The following SNX30 variants were observed in gnomAD, a reference collection of about 807,000 sequenced individuals.
SNX30 encodes the protein sorting nexin-30.
SNX30 carries 24 observed loss-of-function variants against 46.4 expected under a neutral mutation model. The observed-to-expected ratio is 0.52, with a 90% CI of 0.37 to 0.73. The LOEUF (loss-of-function observed/expected upper bound fraction) is 0.73. Ranked by LOEUF, SNX30 falls within the 30% of genes least tolerant of loss-of-function variation. SNX30 has a pLI of 0.00. For synonymous variants in SNX30, 189 were observed against 211.5 expected, an observed-to-expected ratio of 0.89 and a Z score of 0.92; for missense variants, 533 against 555.7, an observed-to-expected ratio of 0.96 and a Z score of 0.41.
At chr9:112,865,655 A>ATGTGTGTGTGTGTGTGTGTGTGTGTG (rs1841318734) in intron 8 of SNX30, among the ~76,000 whole-genome samples, 2 of 89,424 alleles carry the variant, frequency 2.2e-5, no homozygotes, top group East Asian at 3.2e-4. Context: ...ATATATATAT[A>ATGTGTGTGTGTGTGTGTGTGTGTGTG]TATATATGTA....
In SNX30 at chr9:112,754,539, G is replaced by A. The variant is rs572102244; in HGVS notation, c.156+3382G>A. On this transcript the variant is annotated intron_variant, in intron 1 of 8. Transcript: ENST00000374232. Reference sequence around the variant, plus strand: ...TCCTGCCTCAGCCTCCTGAGTAGCTGAGATTACAGGTGACTGCCACCACAC... The same window carrying A: ...TCCTGCCTCAGCCTCCTGAGTAGCTAAGATTACAGGTGACTGCCACCACAC... 2.0e-5 allele frequency among the ~76,000 whole-genome samples: 3 copies of A among 151,112 alleles called. No individual in the cohort carries two copies. In the East Asian group the frequency reaches 5.9e-4, roughly 30 times the overall value.
At chr9:112,832,818 T>C (rs1046566006) in intron 4 of SNX30, among the ~76,000 whole-genome samples, 33 of 146,192 alleles carry the variant, frequency 2.3e-4, no homozygotes, top group African/African-American at 8.0e-4. Context: ...ATATATTATA[T>C]ATTAATATAT....
At chr9:112,816,391 A>G (rs984573437) in intron 2 of SNX30, among the ~76,000 whole-genome samples, 1 of 152,216 alleles carries the variant, frequency 6.6e-6, no homozygotes. Flanking sequence ...CTCCAGTCCT[A>G]CAATGCTAGT....
intron 7 of SNX30, among the ~76,000 whole-genome samples, chr9:112,859,093 C>A (rs1039077123): frequency 2.6e-5 from 4 of 152,114 alleles, no homozygotes; most frequent in African/African-American, 9.7e-5. Flanking sequence ...CTCCATTCCC[C>A]CTCCTGCCGG....
chr9:112,822,379 GC>G (rs1392862957), intron 3 of SNX30, among the ~76,000 whole-genome samples: 2 of 151,966 alleles, frequency 1.3e-5, no homozygotes, highest in Non-Finnish European at 2.9e-5. Context: ...TTTTTTTAAA[GC>G]TTTTTTGAGA....
At chr9:112,831,011 G>A (rs1045674668) in intron 4 of SNX30, 128 bp downstream of exon 4, 15 of 948,372 alleles carry the variant, frequency 1.6e-5, no homozygotes, top group Admixed American at 3.2e-5. Context: ...GATGTTGTGC[G>A]CCTGTAGTCC....
chr9:112,835,550 C>G (rs1284455664), intron 4 of SNX30, among the ~76,000 whole-genome samples: 6 of 151,662 alleles, frequency 4.0e-5, no homozygotes, highest in African/African-American at 1.2e-4. Context: ...CTCCTGACCT[C>G]AAGTGATCTG....
At chr9:112,761,052 G>A (rs963258835) in intron 1 of SNX30, among the ~76,000 whole-genome samples, 14 of 152,338 alleles carry the variant, frequency 9.2e-5, no homozygotes, top group African/African-American at 3.1e-4. Flanking sequence ...AGTGAGAGAC[G>A]AGGTGGGTAG....
At chr9:112,865,649 A>ATGTGTGTGTGTGTG (rs1377711834) in intron 8 of SNX30, among the ~76,000 whole-genome samples, 2 of 86,054 alleles carry the variant, frequency 2.3e-5, no homozygotes, top group Non-Finnish European at 5.6e-5. Context: ...ATATATATAT[A>ATGTGTGTGTGTGTG]TATATATATA....
Position 112,861,422 on chromosome 9 carries a change from C to T in SNX30, c.1102-2825C>T, listed in dbSNP as rs545732909. Reference sequence around the variant, plus strand: ...CTGGCCTCATGACAGCCTAGTGAGGCGGAGGATATTATTAGCCAGACAGAG... The same window carrying T: ...CTGGCCTCATGACAGCCTAGTGAGGTGGAGGATATTATTAGCCAGACAGAG... On this transcript the variant is annotated intron_variant, in intron 7 of 8. Coordinates refer to ENST00000374232, the MANE Select transcript of SNX30 (RefSeq NM_001012994.2). 9.9e-5 allele frequency among the ~76,000 whole-genome samples: 15 copies of T among 152,246 alleles called. No homozygotes were observed. The South Asian group carries it at 1.7e-3, about 17-fold the overall frequency.
At chr9:112,821,201 A>G (rs1171297811) in intron 3 of SNX30, among the ~76,000 whole-genome samples, 2 of 152,160 alleles carry the variant, frequency 1.3e-5, no homozygotes, top group Non-Finnish European at 2.9e-5. Context: ...TGTCTTTTGG[A>G]TTGTAGCCAT....
At chr9:112,761,155 TTTTGTTTG>T (rs144683493) in intron 1 of SNX30, among the ~76,000 whole-genome samples, 271 of 151,740 alleles carry the variant, frequency 1.8e-3, no homozygotes, top group Admixed American at 3.5e-3. Context: ...GAGGGCGTGG[TTTTGTTTG>T]TTTGTTTGTT....
At chr9:112,864,991 A>G (rs546293741) in intron 8 of SNX30, among the ~76,000 whole-genome samples, 806 of 59,608 alleles carry the variant, frequency 0.014, 7 homozygotes, top group South Asian at 0.056. Context: ...ATGCGCGTGC[A>G]CACACACACA....
intron 2 of SNX30, among the ~76,000 whole-genome samples, chr9:112,815,254 G>A (rs2131417722): frequency 6.6e-6 from 1 of 151,676 alleles, no homozygotes; most frequent in East Asian, 1.9e-4. Context: ...GCTGTCTTTT[G>A]TAGTTACCAA....
chr9:112,829,977 T>C (rs529262843), intron 3 of SNX30, among the ~76,000 whole-genome samples: 21 of 152,316 alleles, frequency 1.4e-4, no homozygotes, highest in Non-Finnish European at 2.6e-4. Context: ...TTTTAAAACA[T>C]GTGCATAGCA....
intron 1 of SNX30, among the ~76,000 whole-genome samples, chr9:112,761,194 G>A (rs1204010464): frequency 6.6e-6 from 1 of 152,128 alleles, no homozygotes; most frequent in Non-Finnish European, 1.5e-5. Context: ...ACGGAGTCTC[G>A]CTCTGTCATC....
intron 7 of SNX30, among the ~76,000 whole-genome samples, chr9:112,857,955 C>A (rs1841164333): frequency 1.3e-5 from 2 of 152,214 alleles, no homozygotes; most frequent in South Asian, 4.1e-4. Context: ...ACAGTCCCAT[C>A]CACGTGACTC....
chr9:112,786,624 C>A (rs1402203718), intron 1 of SNX30, among the ~76,000 whole-genome samples: 1 of 152,024 alleles, frequency 6.6e-6, no homozygotes. Flanking sequence ...GACTGTGTGA[C>A]CAGTATTAAA....
chr9:112,861,585 G>T (rs1841233335), intron 7 of SNX30, among the ~76,000 whole-genome samples: 1 of 152,160 alleles, frequency 6.6e-6, no homozygotes, highest in Non-Finnish European at 1.5e-5. Context: ...CCAAGAGTGG[G>T]CATGAGTTAA....
Sources: allele counts gnomAD v4.1 joint callset (sites outside exome capture counted in the v4.1 genomes callset), GRCh38; gene constraint gnomAD v4.1.1; transcripts MANE v1.5; gene names NCBI Gene and HGNC (gene_info 2026-07-23, HGNC 2026-07-21).